Variants in GCSAML observed in about 807,000 individuals in gnomAD.
GCSAML encodes germinal center associated signaling and motility like.
A neutral mutation model predicts 13.0 loss-of-function variants in GCSAML; 9 were observed. The observed-to-expected ratio is 0.69, with a 90% CI of 0.42 to 1.21. GCSAML has a LOEUF of 1.21. Ranked by LOEUF, GCSAML falls within the 50% of genes most tolerant of loss-of-function variation. GCSAML has a pLI of 0.00. For synonymous variants in GCSAML, 37 were observed against 52.9 expected, an observed-to-expected ratio of 0.70 and a Z score of 1.31; for missense variants, 143 against 153.4, an observed-to-expected ratio of 0.93 and a Z score of 0.36.
intron 2 of GCSAML, among the ~76,000 whole-genome samples, chr1:247,532,969 T>G (rs925043734): frequency 2.0e-5 from 3 of 152,196 alleles, no homozygotes. Context: ...AACATCTATA[T>G]GCAACCTAAA....
chr1:247,554,420 C>A (rs534988632), intron 1 of GCSAML, among the ~76,000 whole-genome samples: 1 of 151,968 alleles, frequency 6.6e-6, no homozygotes, highest in Admixed American at 6.6e-5. Flanking sequence ...TGATATTATT[C>A]TTTTCTAAGA....
intron 2 of GCSAML, chr1:247,531,845 C>T: frequency 6.2e-7 from 1 of 1,614,132 alleles, no homozygotes; most frequent in Non-Finnish European, 8.5e-7. Flanking sequence ...ACGGCCCGGG[C>T]AATGTGGCCG....
At position 247,537,236 on chromosome 1, in the gene GCSAML, G is replaced by A. The variant is rs150893690; in HGVS notation, c.-148+10182G>A. Among the ~76,000 whole-genome samples the A allele has an allele frequency of 5.1e-3, 783 of 152,248 alleles. 4 individuals carry two copies. The highest frequency in any genetic ancestry group is 8.0e-3 in the Admixed American group (123 of 15,292). ...GGACTTATATCATACATGTTATTGT[G>A]TCTGGTTTCTTTCATTTAACATGAT... On this transcript the variant is annotated intron_variant, in intron 2 of 5. Coordinates refer to the GCSAML transcript ENST00000366489.
At chr1:247,554,601 T>C (rs906079506) in intron 1 of GCSAML, among the ~76,000 whole-genome samples, 4 of 152,186 alleles carry the variant, frequency 2.6e-5, no homozygotes, top group African/African-American at 9.6e-5. Flanking sequence ...TCAAATAGTC[T>C]TGTGTAGCTT....
At position 247,552,038 on chromosome 1, in the gene GCSAML, T is replaced by A. The variant is rs151091621; in HGVS notation, c.29+2818T>A. 2.3e-3 allele frequency among the ~76,000 whole-genome samples: 345 copies of A among 152,266 alleles called. 1 individual carries two copies. Among genetic ancestry groups the A allele is most frequent in the African/African-American group, 8.1e-3 (337 of 41,546 alleles). ...AAAGATACAGGGAAAGTTAGAGTCA[T>A]CTTACTAATTTTATGGCTGGCTTTG... On this transcript the variant is annotated intron_variant, in intron 1 of 4. Coordinates refer to ENST00000366488, the MANE Select transcript of GCSAML (RefSeq NM_145278.5).
chr1:247,549,149 GGAGT>G lies in GCSAML; in HGVS notation c.-40_-37del. On this transcript the variant is annotated 5_prime_UTR_variant, in exon 1 of 5. Transcript: ENST00000366488. ...TGCTTTGGTCAGAACTTCCCCAAGT[GGAGT>G]GAAACTCAGGAGCTGAGAAACCGAG... 6.2e-7 allele frequency: 1 copy of G among 1,614,082 alleles called. No homozygotes were observed. The highest frequency in any genetic ancestry group is 8.5e-7 in the Non-Finnish European group (1 of 1,179,962).
chr1:247,549,160 CAG>C lies in GCSAML; in HGVS notation c.-31_-30del, dbSNP rs763183939. On this transcript the variant is annotated 5_prime_UTR_variant, in exon 1 of 5. Coordinates refer to ENST00000366488, the MANE Select transcript of GCSAML (RefSeq NM_145278.5). ...GAACTTCCCCAAGTGGAGTGAAACTCAGGAGCTGAGAAACCGAGTCACTGTGA... is the reference window on the plus strand; with the variant it reads ...GAACTTCCCCAAGTGGAGTGAAACTCGAGCTGAGAAACCGAGTCACTGTGA... 1 of 1,614,120 alleles carries C rather than the reference CAG, an allele frequency of 6.2e-7. No homozygotes were observed. Among genetic ancestry groups the C allele is most frequent in the Non-Finnish European group, 8.5e-7 (1 of 1,179,988 alleles).
chr1:247,530,520 C>CCCA (rs1416290260), intron 2 of GCSAML: 2 of 138,994 alleles, frequency 1.4e-5, no homozygotes, highest in Admixed American at 7.0e-5. Context: ...CATGCCATCC[C>CCCA]CCCCCCACAA....
chr1:247,563,634 A>G lies in GCSAML; in HGVS notation c.134A>G (p.Lys45Arg), dbSNP rs145479022. 3.9e-5 allele frequency: 61 copies of G among 1,559,402 alleles called. No homozygotes were observed. In the Middle Eastern group the frequency reaches 6.7e-4, roughly 17 times the overall value. Residue 45 changes from lysine to arginine, a missense_variant, in exon 3 of 5, where the codon AAG becomes AGG. Physicochemically the swap from Lys to Arg is conservative, Grantham distance 26 (BLOSUM62 2). Coordinates refer to ENST00000366488, the MANE Select transcript of GCSAML (RefSeq NM_145278.5). ...TFERKLQDQDKKSQEVSSTSN... is the reference protein window; with the variant it reads ...TFERKLQDQDRKSQEVSSTSN... ...GAAAGAAAACTTCAAGATCAAGATA[A>G]GAAAAGTAAGTCATGGCTGTATAAT...
intron 4 of GCSAML, among the ~76,000 whole-genome samples, chr1:247,569,957 T>G (rs796185114): frequency 1.3e-5 from 2 of 152,244 alleles, no homozygotes; most frequent in South Asian, 4.1e-4. Flanking sequence ...GTCCAGGAAT[T>G]TATCCATTTC....
At chr1:247,564,533 C>T (rs947932799) in intron 3 of GCSAML, among the ~76,000 whole-genome samples, 12 of 152,148 alleles carry the variant, frequency 7.9e-5, no homozygotes, top group African/African-American at 2.7e-4. Context: ...ATTTTTACCC[C>T]TAACTTTATT....
intron 1 of GCSAML, among the ~76,000 whole-genome samples, chr1:247,518,788 A>G (rs955781318): frequency 6.6e-5 from 10 of 152,240 alleles, no homozygotes; most frequent in African/African-American, 2.4e-4. Context: ...CAACAGTTCC[A>G]GACCAGCCTG....
At chr1:247,554,163 T>C (rs1667878245) in intron 1 of GCSAML, among the ~76,000 whole-genome samples, 1 of 152,204 alleles carries the variant, frequency 6.6e-6, no homozygotes, top group African/African-American at 2.4e-5. Flanking sequence ...CACTTGAAGT[T>C]TGGTAAATTG....
intron 4 of GCSAML, among the ~76,000 whole-genome samples, 177 bp downstream of exon 4, chr1:247,566,136 T>C (rs1668348520): frequency 6.6e-6 from 1 of 152,218 alleles, no homozygotes; most frequent in South Asian, 2.1e-4. Context: ...ATGGCAATTG[T>C]AATGCAGAAA....
chr1:247,514,638 A>C (rs1919858), intron 1 of GCSAML, among the ~76,000 whole-genome samples: 24,841 of 152,058 alleles, frequency 0.16, 2,700 homozygotes, highest in East Asian at 0.46. Context: ...TCTTGAGTTT[A>C]TTTTTGTATA....
intron 2 of GCSAML, chr1:247,532,178 C>A: frequency 6.2e-7 from 1 of 1,614,070 alleles, no homozygotes; most frequent in East Asian, 2.2e-5. Context: ...AGGACACACT[C>A]GGTTGCCCCC....
In GCSAML at chr1:247,530,524, C is replaced by A. The variant is rs958954865; in HGVS notation, c.-148+3470C>A. Reference sequence around the variant, plus strand: ...TCCACAAACACCATGCCATCCCCCCCCCACAAAATAACATTTCCTATGAAT... The same window carrying A: ...TCCACAAACACCATGCCATCCCCCCACCACAAAATAACATTTCCTATGAAT... On this transcript the variant is annotated intron_variant, in intron 2 of 5. Transcript: ENST00000366489. 4.2e-5 allele frequency: 6 copies of A among 141,652 alleles called. 1 individual carries two copies. The highest frequency in any genetic ancestry group is 1.5e-4 in the African/African-American group (6 of 39,844). The allele number at this position is 141,652 out of a possible 1,614,324, so 8.8% of individuals were successfully genotyped here. A position where few individuals can be genotyped will look rare whatever the true frequency, so the allele number is the denominator to read the frequency against.
At chr1:247,565,887 A>G in intron 3 of GCSAML, 44 bp from the exon 4 acceptor site, 2 of 1,480,574 alleles carry the variant, frequency 1.4e-6, no homozygotes, top group Non-Finnish European at 1.8e-6. Context: ...AAAGTCTCAC[A>G]GTGCTTTCCT....
intron 2 of GCSAML, among the ~76,000 whole-genome samples, chr1:247,563,127 C>T (rs1347127963): frequency 1.3e-5 from 2 of 151,952 alleles, no homozygotes; most frequent in Non-Finnish European, 2.9e-5. Flanking sequence ...GGATCACAGG[C>T]ATAAGCCATC....
Sources: allele counts gnomAD v4.1 joint callset (sites outside exome capture counted in the v4.1 genomes callset), GRCh38; gene constraint gnomAD v4.1.1; transcripts MANE v1.5; gene names NCBI Gene and HGNC (gene_info 2026-07-23, HGNC 2026-07-21).